PIGG: variants seen among roughly 807,000 people sequenced by gnomAD.
PIGG encodes the protein GPI ethanolamine phosphate transferase 2, catalytic subunit.
In PIGG, 70 loss-of-function variants were observed where a neutral mutation model predicts 83.2. The observed-to-expected ratio is 0.84, with a 90% confidence interval of 0.69 to 1.03. The LOEUF is 1.03. Among genes scored for constraint, PIGG ranks in the 50% least tolerant of loss-of-function variants. PIGG has a pLI of 0.00. For missense variants in PIGG, 1,257 were observed against 1,233.6 expected (o/e 1.02, Z -0.28); for synonymous variants, 532 against 519.5 (o/e 1.02, Z -0.33).
At chr4:535,014 T>C (rs531144969) in intron 12 of PIGG, among the ~76,000 whole-genome samples, 1 of 152,328 alleles carries the variant, frequency 6.6e-6, no homozygotes, top group South Asian at 2.1e-4. Flanking sequence ...CGCCGCACAC[T>C]CTCTGCTTCC....
chr4:520,922 CTTCA>C, intron 6 of PIGG, 130 bp from the exon 7 acceptor site: 1 of 662,994 alleles, frequency 1.5e-6, no homozygotes, highest in Non-Finnish European at 2.7e-6. Flanking sequence ...AATGATTGAT[CTTCA>C]TTAAGCGTCA....
intron 10 of PIGG, 93 bp downstream of exon 10, chr4:527,323 T>C: frequency 6.9e-7 from 1 of 1,443,022 alleles, no homozygotes; most frequent in Non-Finnish European, 9.1e-7. Flanking sequence ...CACTGTTTGA[T>C]GAACTGAGAA....
intron 9 of PIGG, chr4:525,145 C>G (rs1727224478): frequency 1.0e-6 from 1 of 969,258 alleles, no homozygotes; most frequent in South Asian, 4.8e-5. Flanking sequence ...TCCCCATCCT[C>G]CCTTTTCTCT....
At chr4:526,182 A>T (rs1488328610) in intron 9 of PIGG, among the ~76,000 whole-genome samples, 1 of 152,240 alleles carries the variant, frequency 6.6e-6, no homozygotes, top group Non-Finnish European at 1.5e-5. Context: ...GTTCTATTTT[A>T]TTATTATAAC....
intron 1 of PIGG, chr4:499,810 CACTCCCCGTT>C: frequency 9.3e-7 from 1 of 1,071,720 alleles, no homozygotes; most frequent in Non-Finnish European, 1.2e-6. Flanking sequence ...GCCTTTGGGT[CACTCCCCGTT>C]ATAGGCGCCC....
chr4:507,769 C>T (rs1193377794), intron 4 of PIGG, among the ~76,000 whole-genome samples, 176 bp downstream of exon 4: 6 of 152,242 alleles, frequency 3.9e-5, no homozygotes, highest in East Asian at 1.9e-4. Context: ...GCACTGACTC[C>T]GTCTTCCAGC....
chr4:518,798 C>T (rs904894050), intron 6 of PIGG, among the ~76,000 whole-genome samples: 5 of 152,080 alleles, frequency 3.3e-5, no homozygotes, highest in Admixed American at 3.3e-4. Context: ...TTGTCTACAC[C>T]GTCGGGGATC....
At position 521,262 on chromosome 4, in the gene PIGG, G is replaced by C. The variant is rs202037650; in HGVS notation, c.1321G>C (p.Val441Leu). 29 of 1,612,382 alleles carry C rather than the reference G, an allele frequency of 1.8e-5. No homozygotes were observed. Among genetic ancestry groups the C allele is most frequent in the Non-Finnish European group, 2.5e-5 (29 of 1,178,630 alleles). ...DIYSMMVGTV[V>L]VLEVLTLLLL... ...CTATTCGATGATGGTGGGGACTGTC[G>C]TGGTTTTGGAGGTACAGATGCTCAC... The change falls in exon 7 of 13, where the codon GTG becomes CTG. Residue 441 changes from valine (V) to leucine (L), a missense_variant. Physicochemically the swap from Val to Leu is conservative, Grantham distance 32. Transcript: ENST00000453061.
intron 7 of PIGG, 101 bp from the exon 8 acceptor site, chr4:521,559 T>C (rs1344967161): frequency 1.8e-6 from 2 of 1,129,900 alleles, no homozygotes; most frequent in African/African-American, 3.1e-5. Context: ...TTTCTGTTTT[T>C]ACTGTGTGGA....
chr4:534,959 T>C (rs972888246), intron 12 of PIGG, among the ~76,000 whole-genome samples: 9 of 152,026 alleles, frequency 5.9e-5, no homozygotes, highest in African/African-American at 1.9e-4. Context: ...AGATCAAGGG[T>C]GCAGCTCCCC....
intron 4 of PIGG, 72 bp downstream of exon 4, chr4:507,665 C>G: frequency 1.5e-6 from 2 of 1,317,992 alleles, no homozygotes; most frequent in Non-Finnish European, 2.1e-6. Flanking sequence ...AATGCAACCG[C>G]CTGAGTTATT....
chr4:511,936 G>T (rs1214775086), intron 5 of PIGG, among the ~76,000 whole-genome samples: 4 of 152,164 alleles, frequency 2.6e-5, no homozygotes, highest in Non-Finnish European at 5.9e-5. Context: ...GGCCTCCATG[G>T]TTTCTGATGA....
intron 12 of PIGG, among the ~76,000 whole-genome samples, chr4:538,948 C>G (rs1419968643): frequency 2.6e-5 from 4 of 152,188 alleles, no homozygotes; most frequent in African/African-American, 9.7e-5. Flanking sequence ...TCCAAGGGGG[C>G]AGGTTGGGTT....
intron 6 of PIGG, among the ~76,000 whole-genome samples, chr4:519,697 G>A (rs1251601778): frequency 6.6e-6 from 1 of 151,610 alleles, no homozygotes; most frequent in Admixed American, 6.6e-5. Flanking sequence ...CAGTGGGGTG[G>A]GCCTGCAGGC....
intron 9 of PIGG, among the ~76,000 whole-genome samples, chr4:524,192 A>G (rs1289397294): frequency 1.3e-5 from 2 of 152,200 alleles, no homozygotes; most frequent in Non-Finnish European, 2.9e-5. Context: ...TTCAGTGATC[A>G]TTATATAGTA....
At position 508,920 on chromosome 4, in the gene PIGG, A is replaced by C; in HGVS notation, c.851A>C (p.Glu284Ala). The C allele has an allele frequency of 1.2e-6, 2 of 1,613,666 alleles. No homozygotes were observed. The highest frequency in any genetic ancestry group is 2.2e-5 in the South Asian group (2 of 91,070). ...AGTCACGGGGCCTCCTCCACCGAGGAGGTGAATACACCTCTGATTTTAATC... is the reference window on the plus strand; with the variant it reads ...AGTCACGGGGCCTCCTCCACCGAGGCGGTGAATACACCTCTGATTTTAATC... ...TGSHGASSTE[E>A]VNTPLILISS... Residue 284 changes from glutamate (E) to alanine (A), a missense_variant, in exon 5 of 13, where the codon GAG becomes GCG. Transcript: ENST00000453061.
Position 508,967 on chromosome 4 carries a change from C to G in PIGG, c.898C>G (p.Pro300Ala). Residue 300 changes from proline to alanine, a missense_variant, in exon 5 of 13, where the codon CCC becomes GCC. Pro to Ala is a conservative substitution (Grantham distance 27). Transcript: ENST00000453061. ...ILISSAFERK[P>A]GDIRHPKHVQ... Reference sequence around the variant, plus strand: ...AATCAGTTCTGCGTTTGAAAGGAAACCCGGTGAGAATTTAGGAATGTTAAC... The same window carrying G: ...AATCAGTTCTGCGTTTGAAAGGAAAGCCGGTGAGAATTTAGGAATGTTAAC... 6.2e-7 allele frequency: 1 copy of G among 1,609,188 alleles called. No individual in the cohort carries two copies. The highest frequency in any genetic ancestry group is 8.5e-7 in the Non-Finnish European group (1 of 1,177,240).
In PIGG at chr4:528,757, A is replaced by G; in HGVS notation, c.2261+1527A>G. The G allele has an allele frequency of 1.0e-6, 1 of 983,404 alleles. No homozygotes were observed. Among genetic ancestry groups the G allele is most frequent in the Non-Finnish European group, 1.2e-6 (1 of 828,238 alleles). 60.9% of individuals were successfully genotyped at this position (983,404 alleles called of 1,614,324 possible). A position where few individuals can be genotyped will look rare whatever the true frequency, so the allele number is the denominator to read the frequency against. ...GAATTTCAGCATCACTCATCTCAAG[A>G]CCTTGGCCCTCTTCCCTTTCCTGGC... On this transcript the variant is annotated intron_variant, in intron 10 of 12. Transcript: ENST00000453061. The surrounding 1 kb of genome is among the most constrained non-coding windows in gnomAD (Gnocchi z 4.8).
At chr4:506,718 C>A in intron 3 of PIGG, 1 of 455,008 alleles carries the variant, frequency 2.2e-6, no homozygotes, top group South Asian at 1.6e-5. Flanking sequence ...CTATTGGGGG[C>A]TGATCAACTG....
Sources: allele counts gnomAD v4.1 joint callset (sites outside exome capture counted in the v4.1 genomes callset), GRCh38; gene constraint gnomAD v4.1.1; non-coding constraint Gnocchi (gnomAD v3.1); transcripts MANE v1.5; gene names NCBI Gene and HGNC (gene_info 2026-07-23, HGNC 2026-07-21).